AGBL4: variants seen among roughly 807,000 people sequenced by gnomAD.
AGBL4 encodes the protein AGBL carboxypeptidase 4.
AGBL4 carries 58 observed loss-of-function variants against 66.4 expected under a neutral mutation model. The ratio of observed to expected loss-of-function variants is 0.87; its 90% CI spans 0.71 to 1.09. The LOEUF (loss-of-function observed/expected upper bound fraction) is 1.09, where lower values mean the gene tolerates loss of function less well. Among genes scored for constraint, AGBL4 ranks in the 50% least tolerant of loss-of-function variants. The pLI, the probability that AGBL4 is intolerant of heterozygous loss-of-function variation, is 0.00. For synonymous variants in AGBL4, 234 were observed against 222.9 expected (o/e 1.05, Z -0.44); for missense variants, 579 against 631.0 (o/e 0.92, Z 0.88).
chr1:48,957,631 A>C (rs961681934), intron 5 of AGBL4, among the ~76,000 whole-genome samples: 3 of 152,236 alleles, frequency 2.0e-5, no homozygotes, highest in African/African-American at 7.2e-5. Context: ...CGTTATCCAC[A>C]AGGCTGTCCC....
intron 5 of AGBL4, among the ~76,000 whole-genome samples, chr1:49,023,677 C>T (rs1429563134): frequency 6.6e-6 from 1 of 152,018 alleles, no homozygotes; most frequent in Non-Finnish European, 1.5e-5. Context: ...GGTGAGAAGC[C>T]CTGGAATCCA....
intron 5 of AGBL4, among the ~76,000 whole-genome samples, chr1:48,871,361 G>GTGTGTGTGTGTGTGTGTGTT: frequency 6.6e-6 from 1 of 150,588 alleles, no homozygotes; most frequent in Non-Finnish European, 1.5e-5. Flanking sequence ...GGTTGTGTGT[G>GTGTGTGTGTGTGTGTGTGTT]TGTGTGTGTG....
chr1:49,030,937 C>T (rs1192268599), intron 5 of AGBL4, among the ~76,000 whole-genome samples: 4 of 151,182 alleles, frequency 2.6e-5, no homozygotes, highest in East Asian at 1.9e-4. Flanking sequence ...GGCTGAGTGA[C>T]GGAGTGTGAA....
chr1:48,666,991 T>A (rs1168210113), intron 6 of AGBL4, among the ~76,000 whole-genome samples: 1 of 152,224 alleles, frequency 6.6e-6, no homozygotes, highest in African/African-American at 2.4e-5. Context: ...TAAACTTGCA[T>A]AAGTAGCAAA....
intron 3 of AGBL4, among the ~76,000 whole-genome samples, chr1:49,388,814 G>A (rs561878779): frequency 3.9e-4 from 60 of 152,174 alleles, no homozygotes; most frequent in African/African-American, 1.1e-3. Context: ...AGATGCATTC[G>A]CACAGAAGTT....
At chr1:48,530,763 G>A (rs1012411051), downstream of AGBL4, among the ~76,000 whole-genome samples, 1 of 152,202 alleles carries the variant, frequency 6.6e-6, no homozygotes, top group African/African-American at 2.4e-5. Flanking sequence ...GAGCCAGGTT[G>A]AGACCTGTCA....
At chr1:49,785,679 T>C (rs1644435270) in intron 2 of AGBL4, among the ~76,000 whole-genome samples, 1 of 151,892 alleles carries the variant, frequency 6.6e-6, no homozygotes, top group South Asian at 2.1e-4. Context: ...CTAACAACTG[T>C]TGAAAACTAT....
rs533071057 is a variant in AGBL4 at position 49,630,261 on chromosome 1, G to A, written c.282+67052C>T. 3.3e-5 allele frequency among the ~76,000 whole-genome samples: 5 copies of A among 152,284 alleles called. No homozygotes were observed. The South Asian group carries it at 8.3e-4, about 25-fold the overall frequency. ...TCAGGAATACACAGTGTATGGGACC[G>A]TCTTGGTCTACAATCTCTGTGGCCT... On this transcript the variant is annotated intron_variant, in intron 3 of 13. Coordinates refer to ENST00000371839, the MANE Select transcript of AGBL4 (RefSeq NM_032785.4).
intron 3 of AGBL4, among the ~76,000 whole-genome samples, chr1:49,510,658 C>T (rs1346783728): frequency 6.6e-6 from 1 of 151,098 alleles, no homozygotes. Flanking sequence ...AGTCCTTGCC[C>T]ATGCCTATGT....
chr1:48,589,491 T>C (rs1644879469), intron 10 of AGBL4, among the ~76,000 whole-genome samples: 2 of 152,018 alleles, frequency 1.3e-5, no homozygotes, highest in South Asian at 2.1e-4. Flanking sequence ...AGAGATTTAG[T>C]ATCAAAACAA....
At chr1:49,670,917 C>A (rs999936920) in intron 3 of AGBL4, among the ~76,000 whole-genome samples, 1 of 152,108 alleles carries the variant, frequency 6.6e-6, no homozygotes, top group African/African-American at 2.4e-5. Context: ...GAAGCTAAAG[C>A]AATTTACAGA....
At chr1:49,341,459 G>C (rs961166339) in intron 3 of AGBL4, among the ~76,000 whole-genome samples, 1 of 152,154 alleles carries the variant, frequency 6.6e-6, no homozygotes, top group Non-Finnish European at 1.5e-5. Context: ...CAAAGGACAA[G>C]ATGCTTGTTG....
chr1:50,005,247 G>C (rs950134820), intron 1 of AGBL4, among the ~76,000 whole-genome samples: 8 of 152,156 alleles, frequency 5.3e-5, no homozygotes, highest in Admixed American at 3.9e-4. Flanking sequence ...GTGGCCACAG[G>C]AGTTCTTCTG....
chr1:49,069,405 T>TGCTTTGTG (rs1557613773), intron 4 of AGBL4, among the ~76,000 whole-genome samples: 41 of 152,182 alleles, frequency 2.7e-4, no homozygotes, highest in African/African-American at 8.9e-4. Flanking sequence ...AGTTAATTTT[T>TGCTTTGTG]ATATAAGGTG....
At chr1:48,530,240 C>T (rs147139243), downstream of AGBL4, among the ~76,000 whole-genome samples, 30 of 152,150 alleles carry the variant, frequency 2.0e-4, 1 homozygote, top group African/African-American at 5.8e-4. Flanking sequence ...TTCTCATCTT[C>T]GAAGTGTAGA....
rs538721513 is a variant in AGBL4 at position 49,714,675 on chromosome 1, T to C, written c.158-17238A>G. Among the ~76,000 whole-genome samples, 151 of 151,460 alleles carry C rather than the reference T, an allele frequency of 1.0e-3. 1 individual carries two copies. The highest frequency in any genetic ancestry group is 1.0e-2 in the Admixed American group (151 of 15,164). ...CACATTTTCTTTGTCCAATCATCCATTCATGGACTCTTGGATTGATTCCAT... is the reference window on the plus strand; with the variant it reads ...CACATTTTCTTTGTCCAATCATCCACTCATGGACTCTTGGATTGATTCCAT... On this transcript the variant is annotated intron_variant, in intron 2 of 13. Transcript: ENST00000371839.
At chr1:49,991,219 TC>T (rs1217979500) in intron 1 of AGBL4, among the ~76,000 whole-genome samples, 2 of 152,192 alleles carry the variant, frequency 1.3e-5, no homozygotes, top group African/African-American at 4.8e-5. Flanking sequence ...ATTAAAATCA[TC>T]AATTATTAAT....
chr1:48,836,170 G>C (rs1179055517), intron 6 of AGBL4, among the ~76,000 whole-genome samples: 3 of 151,820 alleles, frequency 2.0e-5, no homozygotes, highest in Non-Finnish European at 4.4e-5. Flanking sequence ...AGAAGGAGTA[G>C]AGGCAGAGGA....
intron 3 of AGBL4, among the ~76,000 whole-genome samples, chr1:49,582,288 GGGA>G (rs1272703161): frequency 1.3e-5 from 2 of 152,128 alleles, no homozygotes; most frequent in East Asian, 3.9e-4. Context: ...AAATGTTTGG[GGGA>G]GGGGTAACAG....
Sources: gnomAD v4.1 joint callset for allele counts (sites outside exome capture counted in the v4.1 genomes callset) on GRCh38, gnomAD v4.1.1 for gene constraint, MANE v1.5 for transcripts, NCBI Gene and HGNC (gene_info 2026-07-23, HGNC 2026-07-21) for gene names.